KCNJ16: variants seen among roughly 807,000 people sequenced by gnomAD.
The protein encoded by KCNJ16 is potassium inwardly rectifying channel subfamily J member 16.
A neutral mutation model predicts 18.5 loss-of-function variants in KCNJ16; 15 were observed. The observed-to-expected ratio is 0.81, with a 90% CI of 0.54 to 1.25. KCNJ16 has a LOEUF of 1.25. Ranked by LOEUF, KCNJ16 falls within the 50% of genes most tolerant of loss-of-function variation. The probability of loss-of-function intolerance (pLI) is 0.00; values close to 1 mark genes in which losing one functional copy is unlikely to be tolerated. For missense variants in KCNJ16, 523 were observed against 525.7 expected (o/e 0.99, Z 0.05); for synonymous variants, 174 against 186.5 (o/e 0.93, Z 0.55).
chr17:70,080,119 A>T (rs942805052), intron 1 of KCNJ16, among the ~76,000 whole-genome samples: 2 of 152,208 alleles, frequency 1.3e-5, no homozygotes, highest in African/African-American at 4.8e-5. Context: ...GTGACAGTCC[A>T]ACCTTCTAAT....
intron 1 of KCNJ16, among the ~76,000 whole-genome samples, chr17:70,089,526 T>C (rs1036176640): frequency 4.6e-5 from 7 of 152,128 alleles, no homozygotes; most frequent in Non-Finnish European, 4.4e-5. Flanking sequence ...TTCCCAAAGG[T>C]GGAATCTGTG....
At chr17:70,129,520 T>C (rs1428049427) in intron 2 of KCNJ16, among the ~76,000 whole-genome samples, 4 of 152,224 alleles carry the variant, frequency 2.6e-5, no homozygotes, top group African/African-American at 7.2e-5. Context: ...CAATTGATCA[T>C]TTGGCCTAAA....
chr17:70,103,146 TAATA>T (rs1342342925), intron 2 of KCNJ16, among the ~76,000 whole-genome samples: 5 of 141,420 alleles, frequency 3.5e-5, no homozygotes, highest in African/African-American at 1.0e-4. Flanking sequence ...TATGTGTATA[TAATA>T]TATATAATTT....
chr17:70,131,430 A>C lies in KCNJ16; in HGVS notation c.-94+455A>C, dbSNP rs552344206. The C allele has an allele frequency of 7.0e-6, 7 of 1,002,110 alleles. No homozygotes were observed. The South Asian group carries it at 3.1e-4, about 44-fold the overall frequency. The allele number at this position is 1,002,110 out of a possible 1,614,324, so 62.1% of individuals were successfully genotyped here. A position where few individuals can be genotyped will look rare whatever the true frequency, so the allele number is the denominator to read the frequency against. ...CAGTTCTGTTTGTCCTGGGAAGTAT[A>C]CAAGGAAGAAAAGCCTCCGTGGAAG... On this transcript the variant is annotated intron_variant, in intron 3 of 3. Coordinates refer to ENST00000392671, the MANE Select transcript of KCNJ16 (RefSeq NM_170741.4).
chr17:70,109,179 GAT>G (rs1567793740), intron 2 of KCNJ16, among the ~76,000 whole-genome samples: 1 of 152,144 alleles, frequency 6.6e-6, no homozygotes, highest in African/African-American at 2.4e-5. Flanking sequence ...AATAAAATGA[GAT>G]AAATTTCTCA....
At chr17:70,077,776 G>A (rs1414040937) in intron 1 of KCNJ16, among the ~76,000 whole-genome samples, 4 of 151,420 alleles carry the variant, frequency 2.6e-5, no homozygotes, top group Non-Finnish European at 4.4e-5. Flanking sequence ...ATGGTAATAA[G>A]GGCTCATCTT....
At chr17:70,102,601 C>T (rs1344268735) in intron 2 of KCNJ16, among the ~76,000 whole-genome samples, 1 of 152,090 alleles carries the variant, frequency 6.6e-6, no homozygotes, top group East Asian at 1.9e-4. Flanking sequence ...AATCAGTTGG[C>T]AAAATCTTAT....
chr17:70,126,330 C>T (rs534764796), intron 2 of KCNJ16, among the ~76,000 whole-genome samples: 108 of 152,216 alleles, frequency 7.1e-4, no homozygotes, highest in South Asian at 1.0e-3. Context: ...ACTAAGAATG[C>T]CTAACCTCCT....
Position 70,079,004 on chromosome 17 carries a change from C to CT in KCNJ16, c.-300+3621dup, listed in dbSNP as rs955281837. Among the ~76,000 whole-genome samples, 12 of 152,074 alleles carry CT rather than the reference C, an allele frequency of 7.9e-5. No individual in the cohort carries two copies. The East Asian group carries it at 1.9e-3, about 24-fold the overall frequency. ...ACTCAGACAGTTCTCTTAAAATGGT[C>CT]TTTTTTTCTACTACCGTTTGGTTAT... is the stretch of plus-strand genomic sequence containing the variant. On this transcript the variant is annotated intron_variant, in intron 1 of 3. Coordinates refer to ENST00000392671, the MANE Select transcript of KCNJ16 (RefSeq NM_170741.4).
In KCNJ16 at chr17:70,135,382, T is replaced by A. The variant is rs1458593666; in HGVS notation, c.*2038T>A. On this transcript the variant is annotated 3_prime_UTR_variant, in exon 4 of 4. Transcript: ENST00000392671. Reference sequence around the variant, plus strand: ...TCTTGCTTTGCTTTGTTGACTCTGCTACCGCTGATGTTTGCCTTGTCAATA... The same window carrying A: ...TCTTGCTTTGCTTTGTTGACTCTGCAACCGCTGATGTTTGCCTTGTCAATA... 6.0e-6 allele frequency: 1 copy of A among 167,112 alleles called. No individual in the cohort carries two copies. Among genetic ancestry groups the A allele is most frequent in the Non-Finnish European group, 1.5e-5 (1 of 68,118 alleles). 10.4% of individuals were successfully genotyped at this position (167,112 alleles called of 1,614,324 possible).
chr17:70,089,006 T>G (rs1024560951), intron 1 of KCNJ16, among the ~76,000 whole-genome samples: 2 of 152,226 alleles, frequency 1.3e-5, no homozygotes, highest in Non-Finnish European at 2.9e-5. Context: ...AAAAGGTTTT[T>G]AGTCTCGTTT....
At chr17:70,114,107 A>G (rs1423248536) in intron 2 of KCNJ16, among the ~76,000 whole-genome samples, 1 of 152,154 alleles carries the variant, frequency 6.6e-6, no homozygotes, top group Non-Finnish European at 1.5e-5. Flanking sequence ...GAAAATGGGA[A>G]TTGAGACATC....
intron 1 of KCNJ16, among the ~76,000 whole-genome samples, chr17:70,083,727 CAT>C (rs138938537): frequency 0.026 from 3,994 of 152,194 alleles, 202 homozygotes; most frequent in East Asian, 0.22. Context: ...TTAAGTGACA[CAT>C]GACTGTATAT....
intron 1 of KCNJ16, among the ~76,000 whole-genome samples, chr17:70,094,562 G>T (rs2072265425): frequency 6.6e-6 from 1 of 152,078 alleles, no homozygotes; most frequent in Admixed American, 6.5e-5. Context: ...GGAAGGTGAG[G>T]TATTTAAATT....
At chr17:70,089,701 C>T (rs908947650) in intron 1 of KCNJ16, among the ~76,000 whole-genome samples, 3 of 152,112 alleles carry the variant, frequency 2.0e-5, no homozygotes, top group South Asian at 2.1e-4. Flanking sequence ...GACTTACAAC[C>T]GCAAGTGACA....
intron 2 of KCNJ16, among the ~76,000 whole-genome samples, chr17:70,118,270 G>A (rs1468138576): frequency 2.6e-5 from 4 of 152,120 alleles, no homozygotes; most frequent in South Asian, 4.2e-4. Flanking sequence ...GGGTTCGGGG[G>A]CTAGGGAAGG....
chr17:70,096,727 C>T (rs2143785770), intron 1 of KCNJ16: 1 of 376,358 alleles, frequency 2.7e-6, no homozygotes, highest in South Asian at 1.5e-4. Flanking sequence ...GTGATAACAA[C>T]CTTCTCCTTT....
chr17:70,095,312 G>A (rs2072304952), intron 1 of KCNJ16, among the ~76,000 whole-genome samples: 1 of 152,034 alleles, frequency 6.6e-6, no homozygotes, highest in African/African-American at 2.4e-5. Context: ...AGCCCAGGAA[G>A]CCCAATCATA....
At chr17:70,121,820 G>A (rs2073652304) in intron 2 of KCNJ16, among the ~76,000 whole-genome samples, 1 of 152,102 alleles carries the variant, frequency 6.6e-6, no homozygotes. Flanking sequence ...AAAATTAGCT[G>A]AGTGTGGTGG....
Sources: allele counts gnomAD v4.1 joint callset (sites outside exome capture counted in the v4.1 genomes callset), GRCh38; gene constraint gnomAD v4.1.1; transcripts MANE v1.5; gene names NCBI Gene and HGNC (gene_info 2026-07-23, HGNC 2026-07-21).